The following TPM2 variants were observed in gnomAD, a reference collection of about 807,000 sequenced individuals.
TPM2 encodes tropomyosin 2, also known as tropomyosin beta chain.
In TPM2, 26 loss-of-function variants were observed where a neutral mutation model predicts 41.0. That is an observed-to-expected ratio of 0.63 (90% confidence interval 0.46 to 0.88). The LOEUF (loss-of-function observed/expected upper bound fraction) is 0.88, where lower values mean the gene tolerates loss of function less well. Among genes scored for constraint, TPM2 ranks in the 40% least tolerant of loss-of-function variants. TPM2 has a pLI of 0.00. For missense variants in TPM2, 187 were observed against 355.2 expected, an observed-to-expected ratio of 0.53 and a Z score of 3.81; for synonymous variants, 143 against 139.3, an observed-to-expected ratio of 1.03 and a Z score of -0.19.
At position 35,685,178 on chromosome 9, in the gene TPM2, C is replaced by T. The variant is rs756240920; in HGVS notation, c.563+91G>A. The T allele has an allele frequency of 1.9e-6, 3 of 1,614,094 alleles. No homozygotes were observed. The South Asian group carries it at 3.3e-5, about 18-fold the overall frequency. On this transcript the variant is annotated intron_variant, in intron 5 of 8. Transcript: ENST00000645482. This position sits in a 1 kb window ranked among gnomAD's most constrained non-coding sequence, Gnocchi z 5.0. Reference sequence around the variant, plus strand: ...GCAGGGGTCAGAGAACAGGGCCTGTCCCTACAGCCCCAAGCCTAGGATGCT... The same window carrying T: ...GCAGGGGTCAGAGAACAGGGCCTGTTCCTACAGCCCCAAGCCTAGGATGCT...
upstream of TPM2, chr9:35,690,038 G>A (rs1825170927): frequency 5.1e-6 from 7 of 1,371,758 alleles, no homozygotes; most frequent in South Asian, 6.1e-5. Context: ...AGCACGGCCC[G>A]GCCGGGGGGT....
downstream of TPM2, chr9:35,682,254 G>T: frequency 2.9e-5 from 40 of 1,386,126 alleles, no homozygotes; most frequent in Middle Eastern, 2.1e-4. Flanking sequence ...TATAGACATG[G>T]AGTGGGTCAA....
At chr9:35,687,842 T>C (rs1825012282) in intron 2 of TPM2, among the ~76,000 whole-genome samples, 1 of 152,134 alleles carries the variant, frequency 6.6e-6, no homozygotes, top group Non-Finnish European at 1.5e-5. Context: ...TGCCATTTCC[T>C]GCCTCTCAAG....
In TPM2 at chr9:35,685,348, A is replaced by G. The variant is rs748919377; in HGVS notation, c.493-9T>C. On this transcript the variant is annotated splice_polypyrimidine_tract_variant and intron_variant, in intron 4 of 8. Transcript: ENST00000645482. This position sits in a 1 kb window ranked among gnomAD's most constrained non-coding sequence, Gnocchi z 5.0. ...ACCAGCTTCCTGGCCACCTGTGGGG[A>G]GTGAGAAAGAGAGGGTAGATCAGTG... 4.3e-6 allele frequency: 7 copies of G among 1,612,938 alleles called. No individual in the cohort carries two copies. The South Asian group carries it at 7.7e-5, about 18-fold the overall frequency.
Position 35,685,527 on chromosome 9 carries a change from C to T in TPM2, c.399G>A (p.Arg133=), listed in dbSNP as rs370635046. The change falls in exon 4 of 9, where the codon CGG becomes CGA. Residue 133 remains arginine (R), a synonymous_variant. Coordinates refer to ENST00000645482, the MANE Select transcript of TPM2 (RefSeq NM_003289.4). The surrounding 1 kb of genome is among the most constrained non-coding windows in gnomAD (Gnocchi z 5.0). ...CCATCTTCTCCTCATCCTTCATGGC[C>T]CGGTTTTCGATGACCTTCATTCCTC... ...SERGMKVIEN[R]AMKDEEKMEL... is the part of the protein sequence containing the mutation. 2.2e-5 allele frequency: 36 copies of T among 1,614,074 alleles called. No individual in the cohort carries two copies. Among genetic ancestry groups the T allele is most frequent in the Non-Finnish European group, 3.1e-5 (36 of 1,180,036 alleles).
chr9:35,682,686 C>A (rs1461377792), downstream of TPM2: 1 of 1,312,322 alleles, frequency 7.6e-7, no homozygotes, highest in East Asian at 5.4e-5. Context: ...GCTCTGAGGT[C>A]AGGGATTGGC....
intron 7 of TPM2, 73 bp from the exon 8 acceptor site, chr9:35,684,388 T>A: frequency 6.2e-7 from 1 of 1,611,108 alleles, no homozygotes; most frequent in Non-Finnish European, 8.5e-7. Flanking sequence ...TAAGTCAAGC[T>A]TCTTGTCCAT....
At position 35,683,968 on chromosome 9, in the gene TPM2, A is replaced by G. The variant is rs115807170; in HGVS notation, c.772+278T>C. The G allele has an allele frequency of 4.4e-3, 2,042 of 460,886 alleles. 39 individuals carry two copies. The highest frequency in any genetic ancestry group is 0.034 in the African/African-American group (1,733 of 50,634). 28.5% of individuals were successfully genotyped at this position (460,886 alleles called of 1,614,324 possible). On this transcript the variant is annotated intron_variant, in intron 8 of 8. Coordinates refer to ENST00000645482, the MANE Select transcript of TPM2 (RefSeq NM_003289.4). Reference sequence around the variant, plus strand: ...GCTAGAAATGTAAATCCTCCAGCCCAAAGTCAGCAATCTCTTTGGGGCAGA... The same window carrying G: ...GCTAGAAATGTAAATCCTCCAGCCCGAAGTCAGCAATCTCTTTGGGGCAGA...
rs1436810077 is a variant in TPM2 at position 35,684,241 on chromosome 9, T to A, written c.772+5A>T. 6.2e-7 allele frequency: 1 copy of A among 1,614,006 alleles called. No individual in the cohort carries two copies. Among genetic ancestry groups the A allele is most frequent in the South Asian group, 1.1e-5 (1 of 91,084 alleles). On this transcript the variant is annotated splice_donor_5th_base_variant and intron_variant, in intron 8 of 8. Transcript: ENST00000645482. ...TGTGGACCTACTTATAAAGGCTTCT[T>A]TTACCTTCTAGGTCATCGATGGTTT...
chr9:35,687,070 C>A (rs777418269), intron 2 of TPM2, among the ~76,000 whole-genome samples: 11 of 152,188 alleles, frequency 7.2e-5, no homozygotes, highest in Non-Finnish European at 1.5e-4. Flanking sequence ...CAGTTTCCTC[C>A]TTCACAAGTT....
Position 35,689,736 on chromosome 9 carries a change from C to T in TPM2, c.82G>A (p.Asp28Asn). The T allele has an allele frequency of 6.2e-7, 1 of 1,613,742 alleles. No individual in the cohort carries two copies. Among genetic ancestry groups the T allele is most frequent in the Non-Finnish European group, 8.5e-7 (1 of 1,179,744 alleles). Residue 28 changes from aspartate (D) to asparagine (N), a missense_variant, in exon 1 of 9, where the codon GAC becomes AAC. By Grantham distance (23) the Asp-to-Asn change is conservative. Transcript: ENST00000645482. ...AIDRAEQAEA[D>N]KKQAEDRCKQ... Reference sequence around the variant, plus strand: ...CAGCGGTCCTCAGCTTGCTTCTTGTCGGCTTCGGCCTGCTCGGCGCGGTCG... The same window carrying T: ...CAGCGGTCCTCAGCTTGCTTCTTGTTGGCTTCGGCCTGCTCGGCGCGGTCG...
rs546345556 is a variant in TPM2, at chr9:35,685,240, G to T, written c.563+29C>A. The T allele has an allele frequency of 4.4e-5, 71 of 1,614,168 alleles. 2 individuals carry two copies. The South Asian group carries it at 7.6e-4, about 17-fold the overall frequency. On this transcript the variant is annotated intron_variant, in intron 5 of 8. Coordinates refer to ENST00000645482, the MANE Select transcript of TPM2 (RefSeq NM_003289.4). This position sits in a 1 kb window ranked among gnomAD's most constrained non-coding sequence, Gnocchi z 5.0. ...GTGTGGAAGGCCCCAGGGCCAATGG[G>T]CTCACTTGTCACCCCCGGGTATCTT...
At position 35,684,559 on chromosome 9, in the gene TPM2, GAC is replaced by G. The variant is rs1824762591; in HGVS notation, c.640-11_640-10del. On this transcript the variant is annotated splice_polypyrimidine_tract_variant and intron_variant, in intron 6 of 8. Coordinates refer to ENST00000645482, the MANE Select transcript of TPM2 (RefSeq NM_003289.4). Reference sequence around the variant, plus strand: ...TCTTCTTTGGTGGAATACTTTTGGGGACACACACACGCCATCAGTACAGCGCT... The same window carrying G: ...TCTTCTTTGGTGGAATACTTTTGGGGACACACACGCCATCAGTACAGCGCT... 4 of 1,614,078 alleles carry G rather than the reference GAC, an allele frequency of 2.5e-6. No homozygotes were observed. Among genetic ancestry groups the G allele is most frequent in the Admixed American group, 1.7e-5 (1 of 60,010 alleles).
At chr9:35,689,624 C>A in intron 1 of TPM2, 80 bp downstream of exon 1, 1 of 1,598,172 alleles carries the variant, frequency 6.3e-7, no homozygotes, top group South Asian at 1.1e-5. Flanking sequence ...CGGGCAGGCC[C>A]GGGGCTGGGG....
Position 35,685,199 on chromosome 9 carries a change from A to G in TPM2, c.563+70T>C. On this transcript the variant is annotated intron_variant, in intron 5 of 8. Transcript: ENST00000645482. This position sits in a 1 kb window ranked among gnomAD's most constrained non-coding sequence, Gnocchi z 5.0. ...CTGTCCCTACAGCCCCAAGCCTAGG[A>G]TGCTACCTTCCCACTGTGTGGAAGG... 1 of 1,614,060 alleles carries G rather than the reference A, an allele frequency of 6.2e-7. No individual in the cohort carries two copies. The highest frequency in any genetic ancestry group is 8.5e-7 in the Non-Finnish European group (1 of 1,179,984).
chr9:35,682,213 C>T (rs201631493), downstream of TPM2: 127 of 1,595,244 alleles, frequency 8.0e-5, no homozygotes, highest in African/African-American at 1.5e-4. Flanking sequence ...AAGGGGGAGA[C>T]GTGGGGAGGC....
At chr9:35,682,302 G>T (rs2131844122), downstream of TPM2, 2 of 1,017,316 alleles carry the variant, frequency 2.0e-6, no homozygotes, top group Non-Finnish European at 1.5e-6. Context: ...GGGCCCCTTG[G>T]CAGGGACAAA....
chr9:35,686,298 C>A, intron 2 of TPM2: 1 of 246,332 alleles, frequency 4.1e-6, no homozygotes, highest in Non-Finnish European at 8.0e-6. Context: ...AGCTCCGCTC[C>A]CCTGCTGCAG....
chr9:35,683,072 C>G lies in TPM2; in HGVS notation c.*87G>C. On this transcript the variant is annotated 3_prime_UTR_variant, in exon 9 of 9. Coordinates refer to ENST00000645482, the MANE Select transcript of TPM2 (RefSeq NM_003289.4). Reference sequence around the variant, plus strand: ...CCTGGCTGTGCAATGTTGGCAATTTCTGCTCCTCCTGCCTGCTCCCCTCCC... The same window carrying G: ...CCTGGCTGTGCAATGTTGGCAATTTGTGCTCCTCCTGCCTGCTCCCCTCCC... 1 of 1,551,454 alleles carries G rather than the reference C, an allele frequency of 6.4e-7. No homozygotes were observed.
Sources: allele counts gnomAD v4.1 joint callset (sites outside exome capture counted in the v4.1 genomes callset), GRCh38; gene constraint gnomAD v4.1.1; non-coding constraint Gnocchi (gnomAD v3.1); transcripts MANE v1.5; gene names NCBI Gene and HGNC (gene_info 2026-07-23, HGNC 2026-07-21).